The following LITAF variants were observed in gnomAD, a reference collection of about 807,000 sequenced individuals.
The protein encoded by LITAF is lipopolysaccharide-induced tumor necrosis factor-alpha factor.
A neutral mutation model predicts 14.5 loss-of-function variants in LITAF; 9 were observed. The observed-to-expected ratio is 0.62, with a 90% CI of 0.37 to 1.08. LITAF has a LOEUF of 1.08. LITAF is among the 50% of genes least tolerant of loss of function. The pLI is 0.01. For synonymous variants in LITAF, 98 were observed against 88.2 expected (o/e 1.11, Z -0.62); for missense variants, 206 against 213.4 (o/e 0.97, Z 0.22).
chr16:11,625,243 C>T (rs1207312742), intron 3 of LITAF, among the ~76,000 whole-genome samples: 3 of 151,076 alleles, frequency 2.0e-5, no homozygotes, highest in Admixed American at 2.0e-4. Flanking sequence ...GGTGGTGTCT[C>T]CCGAGATCAC....
At chr16:11,579,554 G>A (rs915958340) in intron 1 of LITAF, among the ~76,000 whole-genome samples, 9 of 151,540 alleles carry the variant, frequency 5.9e-5, no homozygotes, top group African/African-American at 2.2e-4. Context: ...TAGTACCCTA[G>A]GTTAGGACCC....
upstream of LITAF, among the ~76,000 whole-genome samples, chr16:11,636,859 AAAT>A (rs1322495625): frequency 7.9e-5 from 12 of 152,012 alleles, no homozygotes; most frequent in African/African-American, 2.7e-4. Context: ...CTATCTGCCT[AAAT>A]AATTTATTTT....
rs1422598735 is a variant in LITAF, at chr16:11,632,641, CA to C, written c.85+891del. Among the ~76,000 whole-genome samples the C allele has an allele frequency of 6.6e-6, 1 of 152,182 alleles. No individual in the cohort carries two copies. Among genetic ancestry groups the C allele is most frequent in the East Asian group, 1.9e-4 (1 of 5,196 alleles). ...GGAGGAAGCCCCACCGAGCCAGAGC[CA>C]GGGGAAGAACTGATGGCTGGACCCC... is the stretch of plus-strand genomic sequence containing the variant. On this transcript the variant is annotated intron_variant, in intron 3 of 3. Coordinates refer to the LITAF transcript ENST00000574848. This position sits in a 1 kb window ranked among gnomAD's most constrained non-coding sequence, Gnocchi z 4.8.
chr16:11,556,204 G>GTAGATCT, intron 2 of LITAF: 5 of 514,554 alleles, frequency 9.7e-6, no homozygotes, highest in South Asian at 3.5e-5. Context: ...GAGGAAGTGT[G>GTAGATCT]CGGGCCCTTA....
chr16:11,595,900 A>C (rs550168693), intron 1 of LITAF, among the ~76,000 whole-genome samples: 2 of 152,286 alleles, frequency 1.3e-5, no homozygotes, highest in South Asian at 4.1e-4. Flanking sequence ...TATACTAAAC[A>C]ATCATTTGCT....
chr16:11,636,123 C>T (rs1056970433), intron 1 of LITAF: 1 of 152,182 alleles, frequency 6.6e-6, no homozygotes, highest in Non-Finnish European at 1.5e-5. Flanking sequence ...GAGAAATTTC[C>T]CTCCTTAGAA....
chr16:11,638,072 ATATATCTATATCTATCTATC>A (rs2065149305), upstream of LITAF, among the ~76,000 whole-genome samples: 1 of 104,388 alleles, frequency 9.6e-6, no homozygotes, highest in African/African-American at 4.8e-5. Flanking sequence ...ATATCTATAT[ATATATCTATATCTATCTATC>A]TATCTATATA....
chr16:11,634,173 A>C lies in LITAF; in HGVS notation c.-20-536T>G, dbSNP rs1032843125. On this transcript the variant is annotated intron_variant, in intron 2 of 3. Coordinates refer to the LITAF transcript ENST00000574848. The surrounding 1 kb of genome is among the most constrained non-coding windows in gnomAD (Gnocchi z 4.1). ...ACACAGGTGAGACCATCTTTGCAAAAATTATAACAGAAAATTGTGACAGTG... is the reference window on the plus strand; with the variant it reads ...ACACAGGTGAGACCATCTTTGCAAACATTATAACAGAAAATTGTGACAGTG... Among the ~76,000 whole-genome samples the C allele has an allele frequency of 6.6e-6, 1 of 152,178 alleles. No homozygotes were observed. The highest frequency in any genetic ancestry group is 1.5e-5 in the Non-Finnish European group (1 of 68,032).
intron 2 of LITAF, among the ~76,000 whole-genome samples, chr16:11,635,256 C>G (rs921937164): frequency 5.9e-5 from 9 of 152,124 alleles, no homozygotes; most frequent in Admixed American, 1.3e-4. Context: ...GACAGATGCA[C>G]CCACAGTGAT....
At chr16:11,598,017 C>T (rs140883553) in intron 1 of LITAF, among the ~76,000 whole-genome samples, 2 of 152,288 alleles carry the variant, frequency 1.3e-5, no homozygotes, top group South Asian at 4.1e-4. Flanking sequence ...GCAATTCTCC[C>T]GCCTCAGACA....
At chr16:11,608,991 G>C (rs1333504630) in intron 3 of LITAF, among the ~76,000 whole-genome samples, 1 of 130,848 alleles carries the variant, frequency 7.6e-6, no homozygotes, top group Non-Finnish European at 1.7e-5. Context: ...AAAAAAAAAC[G>C]CACCGAGTAT....
At chr16:11,575,523 G>A (rs1166945841) in intron 1 of LITAF, 1 of 152,058 alleles carries the variant, frequency 6.6e-6, no homozygotes. Context: ...CCCACCAAAG[G>A]GGCTTCTATT....
In LITAF at chr16:11,549,528, C is replaced by T. The variant is rs2064152359; in HGVS notation, c.*109G>A. On this transcript the variant is annotated 3_prime_UTR_variant, in exon 4 of 4. Coordinates refer to ENST00000622633, the MANE Select transcript of LITAF (RefSeq NM_001136472.2). This position sits in a 1 kb window ranked among gnomAD's most constrained non-coding sequence, Gnocchi z 4.6. ...CCAAAAGAAGACATGAAGGTGGGCC[C>T]CCTGGAGAGGTGAGACCACCAGGGC... 1.3e-6 allele frequency: 1 copy of T among 795,924 alleles called. No homozygotes were observed. The highest frequency in any genetic ancestry group is 2.2e-6 in the Non-Finnish European group (1 of 462,090). 49.3% of individuals were successfully genotyped at this position (795,924 alleles called of 1,614,324 possible).
chr16:11,631,838 A>ATTTTCTTTTC (rs569880181), intron 3 of LITAF, among the ~76,000 whole-genome samples: 1 of 141,776 alleles, frequency 7.1e-6, no homozygotes, highest in African/African-American at 2.6e-5. Flanking sequence ...CAAAGACCCT[A>ATTTTCTTTTC]TTTTCTTTTC....
upstream of LITAF, chr16:11,636,401 G>A (rs1597379250): frequency 6.6e-6 from 1 of 152,280 alleles, no homozygotes; most frequent in Non-Finnish European, 1.5e-5. Context: ...AATGCAGAAG[G>A]TTTTACAGAT....
chr16:11,625,277 T>C lies in LITAF; in HGVS notation c.85+8256A>G, dbSNP rs2065077036. ...ACCTCCCAAAAACCTTTTTTTTTTT[T>C]TTTGAGACAGGGTCTCGCTCTGTCA... On this transcript the variant is annotated intron_variant, in intron 3 of 3. Coordinates refer to the LITAF transcript ENST00000574848. 4.0e-5 allele frequency among the ~76,000 whole-genome samples: 6 copies of C among 151,666 alleles called. No homozygotes were observed. In the South Asian group the frequency reaches 1.3e-3, roughly 32 times the overall value.
At chr16:11,570,925 A>C (rs2141786568) in intron 1 of LITAF, among the ~76,000 whole-genome samples, 1 of 152,016 alleles carries the variant, frequency 6.6e-6, no homozygotes, top group East Asian at 1.9e-4. Flanking sequence ...TTGGGTTTAA[A>C]TGTAGAAAAA....
intron 3 of LITAF, among the ~76,000 whole-genome samples, chr16:11,626,483 A>G (rs2065084659): frequency 6.6e-6 from 1 of 152,160 alleles, no homozygotes; most frequent in African/African-American, 2.4e-5. Context: ...AGCTGGGACT[A>G]CAGGCAGGCA....
intron 1 of LITAF, among the ~76,000 whole-genome samples, chr16:11,578,299 T>C (rs1398884447): frequency 6.6e-6 from 1 of 152,186 alleles, no homozygotes; most frequent in Non-Finnish European, 1.5e-5. Context: ...GGCTCATGCC[T>C]GTAATCCCGG....
Sources: allele counts gnomAD v4.1 joint callset (sites outside exome capture counted in the v4.1 genomes callset), GRCh38; gene constraint gnomAD v4.1.1; non-coding constraint Gnocchi (gnomAD v3.1); transcripts MANE v1.5; gene names NCBI Gene and HGNC (gene_info 2026-07-23, HGNC 2026-07-21).